Variants in F13A1 observed in about 807,000 individuals in gnomAD.
F13A1 encodes coagulation factor XIII A chain.
In F13A1, 47 loss-of-function variants were observed where a neutral mutation model predicts 80.1. The observed-to-expected ratio is 0.59, with a 90% CI of 0.46 to 0.75. The LOEUF (loss-of-function observed/expected upper bound fraction) is 0.75. F13A1 is among the 30% of genes least tolerant of loss of function. F13A1 has a pLI of 0.00. For synonymous variants in F13A1, 349 were observed against 344.9 expected (o/e 1.01, Z -0.13); for missense variants, 817 against 930.4 (o/e 0.88, Z 1.59).
At chr6:6,293,363 T>C (rs9504742) in intron 3 of F13A1, among the ~76,000 whole-genome samples, 52,917 of 151,858 alleles carry the variant, frequency 0.35, 12,317 homozygotes, top group African/African-American at 0.66. Flanking sequence ...GCTTTCACAG[T>C]CTCAGCCACA....
intron 5 of F13A1, among the ~76,000 whole-genome samples, chr6:6,248,756 A>G (rs1757589491): frequency 6.6e-6 from 1 of 152,358 alleles, no homozygotes; most frequent in South Asian, 2.1e-4. Context: ...CCTGTACCCA[A>G]GAAGAAGGAA....
At chr6:6,146,327 G>A (rs1016529474) in intron 14 of F13A1, among the ~76,000 whole-genome samples, 1 of 152,196 alleles carries the variant, frequency 6.6e-6, no homozygotes, top group African/African-American at 2.4e-5. Context: ...TTCATGTTCT[G>A]TAATTCAAAT....
At chr6:6,221,252 A>G (rs377178360) in intron 8 of F13A1, among the ~76,000 whole-genome samples, 24 of 152,254 alleles carry the variant, frequency 1.6e-4, no homozygotes, top group East Asian at 1.4e-3. Flanking sequence ...GGGGGTCTCA[A>G]GGAAAAATGG....
chr6:6,151,777 G>A lies in F13A1; in HGVS notation c.2045+36C>T, dbSNP rs376515679. On this transcript the variant is annotated intron_variant, in intron 14 of 14. Transcript: ENST00000264870. Reference sequence around the variant, plus strand: ...CACAGAGAAAGCTTCCCACAGCCCTGCACTGCCTGCCCGGTCTCCCCAACC... The same window carrying A: ...CACAGAGAAAGCTTCCCACAGCCCTACACTGCCTGCCCGGTCTCCCCAACC... 8 of 1,613,412 alleles carry A rather than the reference G, an allele frequency of 5.0e-6. 1 individual carries two copies. The highest frequency in any genetic ancestry group is 4.5e-5 in the East Asian group (2 of 44,878).
At chr6:6,261,270 C>A (rs1757777113) in intron 4 of F13A1, among the ~76,000 whole-genome samples, 2 of 152,158 alleles carry the variant, frequency 1.3e-5, no homozygotes, top group African/African-American at 2.4e-5. Context: ...CCCGGCCCTG[C>A]CTCTTGAGTT....
intron 11 of F13A1, among the ~76,000 whole-genome samples, chr6:6,181,602 AAAC>A (rs1423904315): frequency 6.6e-6 from 1 of 152,230 alleles, no homozygotes; most frequent in Non-Finnish European, 1.5e-5. Flanking sequence ...GTAAAGTACT[AAAC>A]AAATGTGAAG....
intron 6 of F13A1, among the ~76,000 whole-genome samples, chr6:6,227,887 T>A (rs1258094718): frequency 1.3e-5 from 2 of 152,262 alleles, no homozygotes; most frequent in Non-Finnish European, 2.9e-5. Flanking sequence ...AACCCTCATT[T>A]ATTAGCATTT....
At chr6:6,166,771 G>C (rs1760682039) in intron 13 of F13A1, among the ~76,000 whole-genome samples, 1 of 152,212 alleles carries the variant, frequency 6.6e-6, no homozygotes, top group Non-Finnish European at 1.5e-5. Context: ...TGAGCCATTT[G>C]GGCAGAGATT....
chr6:6,201,939 A>G (rs973596586), intron 8 of F13A1, among the ~76,000 whole-genome samples: 8 of 152,112 alleles, frequency 5.3e-5, no homozygotes, highest in Non-Finnish European at 1.0e-4. Flanking sequence ...TTCCTTTAGC[A>G]TATCTTTAAT....
At chr6:6,222,271 A>G (rs928481710) in intron 7 of F13A1, 100 bp from the exon 8 acceptor site, 4 of 1,480,652 alleles carry the variant, frequency 2.7e-6, no homozygotes, top group East Asian at 2.3e-5. Flanking sequence ...CTGACCCAAC[A>G]TGAAAAGCCC....
At chr6:6,209,140 A>G (rs1761550919) in intron 8 of F13A1, among the ~76,000 whole-genome samples, 1 of 152,136 alleles carries the variant, frequency 6.6e-6, no homozygotes, top group African/African-American at 2.4e-5. Flanking sequence ...CAATTCAACA[A>G]TACAAAAGTA....
rs1423535868 is a variant in F13A1 at position 6,318,612 on chromosome 6, T to C, written c.53A>G (p.Asn18Ser). The C allele has an allele frequency of 3.7e-6, 6 of 1,613,686 alleles. No homozygotes were observed. Among genetic ancestry groups the C allele is most frequent in the African/African-American group, 1.3e-5 (1 of 74,828 alleles). Residue 18 changes from asparagine (N) to serine (S), a missense_variant, in exon 2 of 15, where the codon AAT becomes AGT. Asn to Ser is a conservative substitution (Grantham distance 46). Coordinates refer to ENST00000264870, the MANE Select transcript of F13A1 (RefSeq NM_000129.4). Reference sequence around the variant, plus strand: ...GTCATCTTCCGCTGCATTAGAGTTATTGGGTGGAACTGCTCTTCTGCCTCC... The same window carrying C: ...GTCATCTTCCGCTGCATTAGAGTTACTGGGTGGAACTGCTCTTCTGCCTCC... ...AFGGRRAVPP[N>S]NSNAAEDDLP...
chr6:6,255,126 T>C (rs373498023), intron 4 of F13A1, among the ~76,000 whole-genome samples: 32 of 152,304 alleles, frequency 2.1e-4, no homozygotes, highest in South Asian at 6.2e-4. Flanking sequence ...TAGTGCCCTA[T>C]GGAGGCGGGG....
At chr6:6,239,987 T>C (rs981976778) in intron 6 of F13A1, among the ~76,000 whole-genome samples, 1 of 152,164 alleles carries the variant, frequency 6.6e-6, no homozygotes, top group African/African-American at 2.4e-5. Context: ...TTTGCTTTGC[T>C]CCTTTGCTAT....
chr6:6,284,438 G>A (rs1758107899), intron 3 of F13A1, among the ~76,000 whole-genome samples: 1 of 152,188 alleles, frequency 6.6e-6, no homozygotes, highest in Non-Finnish European at 1.5e-5. Context: ...CGTCATTTTA[G>A]TCACAGAAAC....
rs3024458 is a variant in F13A1 at position 6,151,719 on chromosome 6, C to T, written c.2045+94G>A. ...GGAGGCAGCTTCCAAGACATTTTCACTGGGGAGCAGATCTATGTTTGGAAA... is the reference window on the plus strand; with the variant it reads ...GGAGGCAGCTTCCAAGACATTTTCATTGGGGAGCAGATCTATGTTTGGAAA... On this transcript the variant is annotated intron_variant, in intron 14 of 14. Transcript: ENST00000264870. The T allele has an allele frequency of 0.21, 332,401 of 1,548,942 alleles. 36,510 individuals are homozygous for T. The highest frequency in any genetic ancestry group is 0.28 in the Middle Eastern group (1,352 of 4,762).
intron 3 of F13A1, 130 bp downstream of exon 3, chr6:6,305,221 G>A (rs1278222065): frequency 1.1e-5 from 11 of 1,018,072 alleles, no homozygotes; most frequent in Non-Finnish European, 1.5e-5. Context: ...TAATTCAGGG[G>A]CTGGATGTCA....
rs6906490 is a variant in F13A1 at position 6,162,277 on chromosome 6, G to A, written c.1908+5181C>T. ...GCTCCCAGCCTCCACCCCAGCCAAG[G>A]CACGCTTCTCACTGCTCTACATACT... On this transcript the variant is annotated intron_variant, in intron 13 of 14. Coordinates refer to ENST00000264870, the MANE Select transcript of F13A1 (RefSeq NM_000129.4). The surrounding 1 kb of genome is among the most constrained non-coding windows in gnomAD (Gnocchi z 4.2). Among the ~76,000 whole-genome samples the A allele has an allele frequency of 0.049, 7,417 of 152,090 alleles. 615 individuals carry two copies. The highest frequency in any genetic ancestry group is 0.17 in the African/African-American group (6,996 of 41,460).
chr6:6,274,462 C>T (rs887114104), intron 3 of F13A1, among the ~76,000 whole-genome samples: 1 of 152,156 alleles, frequency 6.6e-6, no homozygotes, highest in Non-Finnish European at 1.5e-5. Flanking sequence ...TTAAGAAGTG[C>T]ACCACTTAGA....
Sources: gnomAD v4.1 joint callset for allele counts (sites outside exome capture counted in the v4.1 genomes callset) on GRCh38, gnomAD v4.1.1 for gene constraint, Gnocchi (gnomAD v3.1) non-coding constraint, MANE v1.5 for transcripts, NCBI Gene and HGNC (gene_info 2026-07-23, HGNC 2026-07-21) for gene names.